Variants in GRIK1 observed in about 807,000 individuals in gnomAD.
GRIK1 encodes the protein glutamate ionotropic receptor kainate type subunit 1.
In GRIK1, 69 loss-of-function variants were observed where a neutral mutation model predicts 105.7. That is an observed-to-expected ratio of 0.65 (90% CI 0.54 to 0.80). The LOEUF (loss-of-function observed/expected upper bound fraction) is 0.80, where lower values mean the gene tolerates loss of function less well. GRIK1 is among the 30% of genes least tolerant of loss of function. GRIK1 has a pLI of 0.00. For missense variants in GRIK1, 1,109 were observed against 1,167.3 expected, an observed-to-expected ratio of 0.95 and a Z score of 0.73; for synonymous variants, 438 against 431.3, an observed-to-expected ratio of 1.02 and a Z score of -0.19.
intron 14 of GRIK1, among the ~76,000 whole-genome samples, chr21:29,573,466 G>A (rs574856229): frequency 6.6e-6 from 1 of 152,290 alleles, no homozygotes; most frequent in East Asian, 1.9e-4. Context: ...GGGGCTGGGC[G>A]CAGTGGCTCA....
intron 1 of GRIK1, among the ~76,000 whole-genome samples, chr21:29,865,305 T>TA (rs1555901220): frequency 6.6e-6 from 1 of 152,234 alleles, no homozygotes; most frequent in Non-Finnish European, 1.5e-5. Flanking sequence ...ATTTCTCACA[T>TA]CCCACTCCAA....
At chr21:29,597,490 T>A (rs536615220) in intron 8 of GRIK1, 70 of 251,618 alleles carry the variant, frequency 2.8e-4, no homozygotes, top group African/African-American at 1.5e-3. Flanking sequence ...AGACTCATGC[T>A]TCGAGAAGCA....
intron 1 of GRIK1, among the ~76,000 whole-genome samples, chr21:29,712,083 TACACACAC>T (rs56017389): frequency 5.1e-4 from 69 of 135,368 alleles, no homozygotes; most frequent in South Asian, 2.5e-3. Context: ...TATACATACA[TACACACAC>T]ACACACACAC....
chr21:29,593,089 G>A (rs896710924), intron 9 of GRIK1, among the ~76,000 whole-genome samples: 1 of 152,136 alleles, frequency 6.6e-6, no homozygotes, highest in African/African-American at 2.4e-5. Context: ...CTTTGAAAAA[G>A]TTTCAAGGAC....
At chr21:29,671,041 T>G (rs1449441653) in intron 4 of GRIK1, among the ~76,000 whole-genome samples, 4 of 152,226 alleles carry the variant, frequency 2.6e-5, no homozygotes, top group Admixed American at 2.0e-4. Context: ...TCATTTTATA[T>G]CTTGCAAAGT....
In GRIK1 at chr21:29,821,488, G is replaced by C. The variant is rs187655432; in HGVS notation, c.118+117895C>G. Among the ~76,000 whole-genome samples the C allele has an allele frequency of 8.5e-5, 13 of 152,144 alleles. No individual in the cohort carries two copies. The East Asian group carries it at 1.9e-3, about 23-fold the overall frequency. On this transcript the variant is annotated intron_variant, in intron 1 of 17. Transcript: ENST00000327783. ...AGGTTTACAGTATTGCACTAAACAG[G>C]ATGAAAAACACATGAGAACCATGAG...
intron 1 of GRIK1, among the ~76,000 whole-genome samples, chr21:29,867,886 A>AAG (rs748327047): frequency 0.044 from 5,677 of 129,062 alleles, 185 homozygotes; most frequent in South Asian, 0.096. Flanking sequence ...AAGAGAGAGA[A>AAG]AGAGAGAGAG....
chr21:29,847,396 C>T (rs576829003), intron 1 of GRIK1, among the ~76,000 whole-genome samples: 1 of 152,298 alleles, frequency 6.6e-6, no homozygotes. Flanking sequence ...GAGTTCGAGA[C>T]CATCCTGGCC....
chr21:29,807,855 T>C (rs776410030), intron 1 of GRIK1, among the ~76,000 whole-genome samples: 2 of 152,114 alleles, frequency 1.3e-5, no homozygotes, highest in African/African-American at 4.8e-5. Context: ...GAGTTGTGGA[T>C]TCCTGATAGC....
At chr21:29,676,860 T>C (rs2063277708) in intron 3 of GRIK1, among the ~76,000 whole-genome samples, 1 of 152,162 alleles carries the variant, frequency 6.6e-6, no homozygotes, top group African/African-American at 2.4e-5. Context: ...ATTTGACAAC[T>C]GAATGCCATG....
chr21:29,864,639 T>C (rs1325406855), intron 1 of GRIK1, among the ~76,000 whole-genome samples: 1 of 152,228 alleles, frequency 6.6e-6, no homozygotes, highest in East Asian at 1.9e-4. Flanking sequence ...ATAGTGTAGT[T>C]TGAACTTTTT....
At chr21:29,800,886 A>G (rs898406615) in intron 1 of GRIK1, among the ~76,000 whole-genome samples, 3 of 152,184 alleles carry the variant, frequency 2.0e-5, no homozygotes, top group Admixed American at 2.0e-4. Context: ...GCCTGAGGAC[A>G]GGGTGAGGCA....
At chr21:29,821,595 G>A (rs575327680) in intron 1 of GRIK1, among the ~76,000 whole-genome samples, 2 of 152,096 alleles carry the variant, frequency 1.3e-5, no homozygotes, top group South Asian at 2.1e-4. Flanking sequence ...CATGTTTTAA[G>A]CAGATATTCG....
intron 14 of GRIK1, among the ~76,000 whole-genome samples, chr21:29,569,759 G>T (rs2146208238): frequency 6.6e-6 from 1 of 152,242 alleles, no homozygotes; most frequent in East Asian, 1.9e-4. Flanking sequence ...ACCACAGTTT[G>T]GACTATCTTA....
At chr21:29,902,065 A>G (rs917951676) in intron 1 of GRIK1, among the ~76,000 whole-genome samples, 4 of 152,250 alleles carry the variant, frequency 2.6e-5, no homozygotes, top group South Asian at 2.1e-4. Flanking sequence ...ATCTCAATAG[A>G]TGCAGAAAAA....
chr21:29,731,179 C>T (rs2064616802), intron 1 of GRIK1, among the ~76,000 whole-genome samples: 2 of 152,174 alleles, frequency 1.3e-5, no homozygotes, highest in South Asian at 4.1e-4. Flanking sequence ...GGAGCACTGT[C>T]ATAGTGGAGG....
At chr21:29,781,448 G>T (rs2066096950) in intron 1 of GRIK1, among the ~76,000 whole-genome samples, 1 of 151,922 alleles carries the variant, frequency 6.6e-6, no homozygotes, top group African/African-American at 2.4e-5. Context: ...GTACCTATGT[G>T]TATGCCATTG....
intron 1 of GRIK1, among the ~76,000 whole-genome samples, chr21:29,743,107 G>A (rs1282349810): frequency 6.6e-6 from 1 of 151,914 alleles, no homozygotes; most frequent in Non-Finnish European, 1.5e-5. Flanking sequence ...AATCATAGGG[G>A]TAAAGTATCA....
At chr21:29,567,634 C>T (rs2090641836) in intron 14 of GRIK1, among the ~76,000 whole-genome samples, 1 of 151,972 alleles carries the variant, frequency 6.6e-6, no homozygotes, top group African/African-American at 2.4e-5. Flanking sequence ...TTTAAGATCT[C>T]CAATTTAATT....
Sources: gnomAD v4.1 joint callset for allele counts (sites outside exome capture counted in the v4.1 genomes callset) on GRCh38, gnomAD v4.1.1 for gene constraint, MANE v1.5 for transcripts, NCBI Gene and HGNC (gene_info 2026-07-23, HGNC 2026-07-21) for gene names.